Variants in ADCY7 observed in about 807,000 individuals in gnomAD.
ADCY7 encodes the protein adenylate cyclase 7.
ADCY7 carries 72 observed loss-of-function variants against 120.6 expected under a neutral mutation model. That is an observed-to-expected ratio of 0.60 (90% confidence interval 0.49 to 0.73). ADCY7 has a LOEUF of 0.73. Among genes scored for constraint, ADCY7 ranks in the 30% least tolerant of loss-of-function variants. The pLI, the probability that ADCY7 is intolerant of heterozygous loss-of-function variation, is 0.00. For missense variants in ADCY7, 1,227 were observed against 1,486.0 expected, an observed-to-expected ratio of 0.83 and a Z score of 2.87; for synonymous variants, 661 against 628.0, an observed-to-expected ratio of 1.05 and a Z score of -0.78.
chr16:50,304,443 G>A lies in ADCY7; in HGVS notation c.1452G>A (p.Met484Ile). The A allele has an allele frequency of 6.2e-7, 1 of 1,608,888 alleles. No homozygotes were observed. Among genetic ancestry groups the A allele is most frequent in the Non-Finnish European group, 8.5e-7 (1 of 1,177,672 alleles). The change falls in exon 11 of 26, where the codon ATG becomes ATA. Residue 484 changes from methionine (M) to isoleucine (I), a missense_variant. Physicochemically the swap from Met to Ile is conservative, Grantham distance 10 (BLOSUM62 1). Around this residue, in one of 5 missense-constraint regions of ADCY7, gnomAD observed 332 missense variants for 455.8 expected, o/e 0.73. Transcript: ENST00000673801. ...AALKMRASVR[M>I]TRYLESWGAA... is the part of the protein sequence containing the mutation. ...TGAAGATGCGGGCGTCAGTGCGCAT[G>A]ACCCGGTACCTCGAGTCCTGGGGGG...
intron 1 of ADCY7, among the ~76,000 whole-genome samples, chr16:50,269,052 A>G (rs1285117300): frequency 1.3e-5 from 2 of 152,028 alleles, no homozygotes; most frequent in Non-Finnish European, 1.5e-5. Context: ...AAATAAATAA[A>G]TTTTTCAAAA....
At position 50,315,647 on chromosome 16, in the gene ADCY7, G is replaced by C. The variant is rs1276732839; in HGVS notation, c.*142G>C. On this transcript the variant is annotated 3_prime_UTR_variant, in exon 26 of 26. Transcript: ENST00000673801. ...TGGCTTCTTTGGACCTGCACTGGAG[G>C]ATTTCTCAGACACATGCACCAGATT... is the stretch of plus-strand genomic sequence containing the variant. The C allele has an allele frequency of 9.6e-7, 1 of 1,046,618 alleles. No individual in the cohort carries two copies. Among genetic ancestry groups the C allele is most frequent in the Non-Finnish European group, 1.4e-6 (1 of 736,936 alleles). 64.8% of individuals were successfully genotyped at this position (1,046,618 alleles called of 1,614,324 possible).
In ADCY7 at chr16:50,297,094, A is replaced by G. The variant is rs2035402474; in HGVS notation, c.949-1810A>G. On this transcript the variant is annotated intron_variant, in intron 7 of 25. Transcript: ENST00000673801. This position sits in a 1 kb window ranked among gnomAD's most constrained non-coding sequence, Gnocchi z 4.4. ...GTCTTCCCTCTCCAGCAGGCCCAGG[A>G]GGCGTGGCCCTATTGCACAGATGGG... 6.6e-6 allele frequency among the ~76,000 whole-genome samples: 1 copy of G among 152,218 alleles called. No individual in the cohort carries two copies. Among genetic ancestry groups the G allele is most frequent in the Non-Finnish European group, 1.5e-5 (1 of 68,024 alleles).
At chr16:50,314,471 T>G (rs2036679840) in intron 24 of ADCY7, 65 bp downstream of exon 24, 22 of 1,211,718 alleles carry the variant, frequency 1.8e-5, no homozygotes, top group Non-Finnish European at 2.5e-5. Flanking sequence ...CCAGTCTGTG[T>G]GGCACAGCTG....
Position 50,310,539 on chromosome 16 carries a change from G to A in ADCY7, c.2161-148G>A, listed in dbSNP as rs540816571. 10 of 1,545,908 alleles carry A rather than the reference G, an allele frequency of 6.5e-6. No homozygotes were observed. In the Admixed American group the frequency reaches 1.4e-4, roughly 21 times the overall value. ...TGAAAACAACACTGGACACTCTTAGGTCTCATTGTTTTTTGTTGAGAAGGG... is the reference window on the plus strand; with the variant it reads ...TGAAAACAACACTGGACACTCTTAGATCTCATTGTTTTTTGTTGAGAAGGG... On this transcript the variant is annotated intron_variant, in intron 18 of 25. Coordinates refer to ENST00000673801, the MANE Select transcript of ADCY7 (RefSeq NM_001114.5).
At chr16:50,254,423 A>G (rs561011303) in intron 1 of ADCY7, among the ~76,000 whole-genome samples, 2 of 152,252 alleles carry the variant, frequency 1.3e-5, no homozygotes, top group Non-Finnish European at 2.9e-5. Context: ...TAGAACTAAT[A>G]AACTAACACA....
At chr16:50,274,036 G>A (rs529262487) in intron 1 of ADCY7, 3 of 152,362 alleles carry the variant, frequency 2.0e-5, no homozygotes, top group Non-Finnish European at 4.4e-5. Context: ...GCGGGCAGGA[G>A]TTCGCCAGGC....
intron 1 of ADCY7, among the ~76,000 whole-genome samples, chr16:50,255,724 T>C (rs1257247017): frequency 6.6e-6 from 1 of 152,174 alleles, no homozygotes; most frequent in East Asian, 1.9e-4. Context: ...ACTCCTGAGC[T>C]CAAGGGCTCT....
Position 50,304,437 on chromosome 16 carries a change from G to GCGC in ADCY7, c.1447_1449dup (p.Arg483dup). ...CGGCCCTGAAGATGCGGGCGTCAGT[G>GCGC]CGCATGACCCGGTACCTCGAGTCCT... is the stretch of plus-strand genomic sequence containing the variant. On this transcript the variant is annotated inframe_insertion, in exon 11 of 26. Transcript: ENST00000673801. 6.2e-7 allele frequency: 1 copy of GCGC among 1,608,582 alleles called. No homozygotes were observed. The highest frequency in any genetic ancestry group is 1.1e-5 in the South Asian group (1 of 90,680).
At chr16:50,298,848 G>C (rs549809280) in intron 7 of ADCY7, 56 bp from the exon 8 acceptor site, 20 of 1,574,734 alleles carry the variant, frequency 1.3e-5, no homozygotes, top group Non-Finnish European at 1.6e-5. Context: ...GGCGGCTGTC[G>C]TGAGAGGTCC....
intron 3 of ADCY7, among the ~76,000 whole-genome samples, chr16:50,290,926 A>C (rs2034911924): frequency 6.6e-6 from 1 of 152,196 alleles, no homozygotes; most frequent in South Asian, 2.1e-4. Context: ...AAAAAGGCAC[A>C]AACTGGTTCC....
chr16:50,297,917 T>C lies in ADCY7; in HGVS notation c.949-987T>C, dbSNP rs867336857. On this transcript the variant is annotated intron_variant, in intron 7 of 25. Coordinates refer to ENST00000673801, the MANE Select transcript of ADCY7 (RefSeq NM_001114.5). This position sits in a 1 kb window ranked among gnomAD's most constrained non-coding sequence, Gnocchi z 4.4. ...GAGAGCAGAGGCAGATGGCGCTCCT[T>C]CTTCAGCTCCCCTAAAGCCCCACCC... Among the ~76,000 whole-genome samples the C allele has an allele frequency of 1.3e-4, 20 of 151,990 alleles. No homozygotes were observed. The highest frequency in any genetic ancestry group is 4.8e-4 in the African/African-American group (20 of 41,384).
At position 50,317,524 on chromosome 16, in the gene ADCY7, A is replaced by G. The variant is rs1319724113; in HGVS notation, c.*2019A>G. Reference sequence around the variant, plus strand: ...TTGTTTTTTTCTTCAGTAACAACAGAAACCCCAGTTGGGAGTTTAACAAAT... The same window carrying G: ...TTGTTTTTTTCTTCAGTAACAACAGGAACCCCAGTTGGGAGTTTAACAAAT... On this transcript the variant is annotated 3_prime_UTR_variant, in exon 26 of 26. Coordinates refer to ENST00000673801, the MANE Select transcript of ADCY7 (RefSeq NM_001114.5). 1 of 152,354 alleles carries G rather than the reference A, an allele frequency of 6.6e-6. No homozygotes were observed. Among genetic ancestry groups the G allele is most frequent in the Non-Finnish European group, 1.5e-5 (1 of 68,040 alleles). The allele number at this position is 152,354 out of a possible 1,614,324, so 9.4% of individuals were successfully genotyped here.
chr16:50,313,640 C>G (rs1468620749), intron 22 of ADCY7: 10 of 302,770 alleles, frequency 3.3e-5, no homozygotes, highest in Non-Finnish European at 3.6e-5. Flanking sequence ...CAGAGGAAAT[C>G]AGTTTGGGTT....
chr16:50,311,630 G>A (rs1404563425), intron 19 of ADCY7, 63 bp from the exon 20 acceptor site: 7 of 1,191,686 alleles, frequency 5.9e-6, no homozygotes, highest in Non-Finnish European at 7.5e-6. Context: ...CACCTGGAGA[G>A]CATGACTCAG....
chr16:50,296,719 G>C (rs8052384), intron 7 of ADCY7, among the ~76,000 whole-genome samples: 29,948 of 152,100 alleles, frequency 0.2, 3,298 homozygotes, highest in Non-Finnish European at 0.26. Flanking sequence ...GAACTTGATG[G>C]GAGGCAAGTT....
intron 4 of ADCY7, 115 bp downstream of exon 4, chr16:50,292,012 C>T (rs2035013266): frequency 8.3e-7 from 1 of 1,198,108 alleles, no homozygotes; most frequent in Admixed American, 2.8e-5. Context: ...TGTTTGCAGA[C>T]AGCCCGCTCC....
At chr16:50,272,482 C>T (rs895126561) in intron 1 of ADCY7, among the ~76,000 whole-genome samples, 2 of 152,194 alleles carry the variant, frequency 1.3e-5, no homozygotes, top group African/African-American at 4.8e-5. Flanking sequence ...AGCCTAGCAC[C>T]CTGGGATGCA....
At chr16:50,310,982 C>A in intron 19 of ADCY7, 102 bp downstream of exon 19, 1 of 1,222,020 alleles carries the variant, frequency 8.2e-7, no homozygotes, top group Non-Finnish European at 1.1e-6. Context: ...GGAGTGGGCA[C>A]CTTGCAGGGC....
Sources: allele counts gnomAD v4.1 joint callset (sites outside exome capture counted in the v4.1 genomes callset), GRCh38; gene constraint gnomAD v4.1.1; regional missense constraint gnomAD v4.1.1; non-coding constraint Gnocchi (gnomAD v3.1); transcripts MANE v1.5; gene names NCBI Gene and HGNC (gene_info 2026-07-23, HGNC 2026-07-21).